NTM: variants seen among roughly 807,000 people sequenced by gnomAD.
NTM encodes the protein neurotrimin.
A neutral mutation model predicts 42.1 loss-of-function variants in NTM; 13 were observed. The ratio of observed to expected loss-of-function variants is 0.31; its 90% CI spans 0.20 to 0.49. The LOEUF (loss-of-function observed/expected upper bound fraction) is 0.49, where lower values mean the gene tolerates loss of function less well. NTM is among the 20% of genes least tolerant of loss of function. The pLI is 0.99. For missense variants in NTM, 373 were observed against 452.8 expected (o/e 0.82, Z 1.60); for synonymous variants, 187 against 179.2 (o/e 1.04, Z -0.35).
chr11:131,513,188 A>G (rs2048475075), intron 1 of NTM, among the ~76,000 whole-genome samples: 1 of 152,226 alleles, frequency 6.6e-6, no homozygotes, highest in South Asian at 2.1e-4. Context: ...CTGAACCCAA[A>G]GTGCAAAGTG....
At chr11:131,576,303 T>A (rs1042667648) in intron 1 of NTM, among the ~76,000 whole-genome samples, 7 of 152,200 alleles carry the variant, frequency 4.6e-5, no homozygotes, top group African/African-American at 9.6e-5. Flanking sequence ...ATGTGGATAT[T>A]TGAGGGCTCT....
intron 1 of NTM, among the ~76,000 whole-genome samples, chr11:131,617,703 A>G (rs2062082151): frequency 6.6e-6 from 1 of 152,194 alleles, no homozygotes; most frequent in Non-Finnish European, 1.5e-5. Context: ...GTGTGAACAG[A>G]ACTAAAATGT....
In NTM at chr11:131,919,801, A is replaced by G. The variant is rs139643285; in HGVS notation, c.167+8153A>G. Among the ~76,000 whole-genome samples the G allele has an allele frequency of 7.1e-3, 1,083 of 152,152 alleles. 6 individuals are homozygous for G. The highest frequency in any genetic ancestry group is 9.5e-3 in the Non-Finnish European group (643 of 67,992). ...GTATATAATATACACACATATACCA[A>G]TTTTCATTATAAACTATTGTAGCTT... is the stretch of plus-strand genomic sequence containing the variant. On this transcript the variant is annotated intron_variant, in intron 2 of 8. Coordinates refer to ENST00000683400, the MANE Select transcript of NTM (RefSeq NM_001352005.2).
intron 6 of NTM, among the ~76,000 whole-genome samples, chr11:132,313,481 A>C (rs1367745808): frequency 6.6e-6 from 1 of 152,158 alleles, no homozygotes; most frequent in Non-Finnish European, 1.5e-5. Flanking sequence ...TTTTTGCCCC[A>C]AGAGTATTCA....
chr11:131,827,022 A>C, intron 1 of NTM, among the ~76,000 whole-genome samples: 1 of 152,058 alleles, frequency 6.6e-6, no homozygotes, highest in Non-Finnish European at 1.5e-5. Flanking sequence ...TCATTTATTC[A>C]TGCATGTATC....
chr11:131,628,455 C>T (rs536635869), intron 1 of NTM, among the ~76,000 whole-genome samples: 13 of 152,168 alleles, frequency 8.5e-5, no homozygotes, highest in Admixed American at 2.0e-4. Context: ...TTTGCCCAAG[C>T]GCACAGACAT....
intron 1 of NTM, among the ~76,000 whole-genome samples, chr11:131,644,440 A>T (rs1003812350): frequency 9.9e-5 from 15 of 152,174 alleles, no homozygotes; most frequent in African/African-American, 2.7e-4. Context: ...TTAGCCAGAT[A>T]GTCCCATCAG....
chr11:131,391,038 C>T lies in NTM; in HGVS notation c.82+20150C>T, dbSNP rs531481795. The stretch of plus-strand genomic sequence containing the variant: ...ACCCATCTGTCCTGATCTTCCTAAC[C>T]ACACGGGGCTGCGGGGAAAGGCACA... On this transcript the variant is annotated intron_variant, in intron 1 of 8. Transcript: ENST00000683400. 2.0e-5 allele frequency among the ~76,000 whole-genome samples: 3 copies of T among 152,298 alleles called. No individual in the cohort carries two copies. The South Asian group carries it at 6.2e-4, about 32-fold the overall frequency.
At chr11:131,483,726 C>T (rs540952928) in intron 1 of NTM, among the ~76,000 whole-genome samples, 36 of 152,342 alleles carry the variant, frequency 2.4e-4, no homozygotes, top group African/African-American at 8.2e-4. Flanking sequence ...TTTCACCCTG[C>T]GTGAAAGCCT....
intron 1 of NTM, among the ~76,000 whole-genome samples, chr11:131,547,925 C>CT (rs2054155104): frequency 6.6e-6 from 1 of 152,130 alleles, no homozygotes; most frequent in African/African-American, 2.4e-5. Context: ...GCTGATTAGC[C>CT]AATGCCTAGG....
chr11:131,655,195 G>A (rs77489208), intron 1 of NTM, among the ~76,000 whole-genome samples: 2 of 152,146 alleles, frequency 1.3e-5, no homozygotes, highest in African/African-American at 2.4e-5. Flanking sequence ...TTGAGTATGC[G>A]GGTTTTTCAA....
intron 3 of NTM, among the ~76,000 whole-genome samples, chr11:132,156,712 G>C (rs562288869): frequency 6.6e-6 from 1 of 152,092 alleles, no homozygotes; most frequent in South Asian, 2.1e-4. Context: ...ACTAGTTGTA[G>C]TAGGCTGAAT....
chr11:131,912,275 A>G (rs1348280192), intron 2 of NTM, among the ~76,000 whole-genome samples: 3 of 152,092 alleles, frequency 2.0e-5, no homozygotes, highest in Non-Finnish European at 4.4e-5. Context: ...GGAAAATGGC[A>G]TTTACTGTAG....
chr11:131,660,469 T>C (rs1473951253), intron 1 of NTM: 2 of 457,072 alleles, frequency 4.4e-6, no homozygotes, highest in Non-Finnish European at 8.8e-6. Context: ...AAAATCACCC[T>C]GCAGGGAGCT....
chr11:131,385,826 C>T (rs917076266), intron 1 of NTM, among the ~76,000 whole-genome samples: 1 of 152,184 alleles, frequency 6.6e-6, no homozygotes. Context: ...CCACCGCACT[C>T]CAGCCTGCAC....
intron 7 of NTM, among the ~76,000 whole-genome samples, chr11:132,324,671 C>CTACTG (rs199748192): frequency 2.7e-5 from 3 of 112,506 alleles, no homozygotes; most frequent in African/African-American, 9.8e-5. Flanking sequence ...GGAAAAAAAA[C>CTACTG]TAAAGTTCAT....
chr11:131,822,839 A>AG (rs1169539689), intron 1 of NTM, among the ~76,000 whole-genome samples: 3 of 55,356 alleles, frequency 5.4e-5, no homozygotes, highest in Non-Finnish European at 1.3e-4. Context: ...TTTGCTTCTC[A>AG]AAAAAAGCGG....
At chr11:132,046,397 A>C (rs77158422) in intron 2 of NTM, among the ~76,000 whole-genome samples, 11 of 150,516 alleles carry the variant, frequency 7.3e-5, no homozygotes, top group Admixed American at 4.0e-4. Flanking sequence ...AAAAAAAAAA[A>C]CCCACCCCTT....
At chr11:131,942,431 G>A (rs1386221684) in intron 2 of NTM, among the ~76,000 whole-genome samples, 13 of 152,112 alleles carry the variant, frequency 8.5e-5, no homozygotes, top group Admixed American at 8.5e-4. Context: ...ATCTTTTGGG[G>A]CCAGTCCTGG....
Sources: gnomAD v4.1 joint callset for allele counts (sites outside exome capture counted in the v4.1 genomes callset) on GRCh38, gnomAD v4.1.1 for gene constraint, MANE v1.5 for transcripts, NCBI Gene and HGNC (gene_info 2026-07-23, HGNC 2026-07-21) for gene names.